TNR: variants seen among roughly 807,000 people sequenced by gnomAD.
TNR encodes the protein tenascin-R.
TNR carries 45 observed loss-of-function variants against 150.4 expected under a neutral mutation model. The observed-to-expected ratio is 0.30, with a 90% CI of 0.24 to 0.38. The LOEUF is 0.38. TNR is among the 10% of genes least tolerant of loss of function. The pLI, the probability that TNR is intolerant of heterozygous loss-of-function variation, is 1.00. For synonymous variants in TNR, 687 were observed against 678.4 expected (o/e 1.01, Z -0.20); for missense variants, 1,544 against 1,759.1 (o/e 0.88, Z 2.19).
At position 175,426,549 on chromosome 1, in the gene TNR, G is replaced by A. The variant is rs76148342; in HGVS notation, c.-63-19772C>T. Among the ~76,000 whole-genome samples the A allele has an allele frequency of 4.6e-5, 7 of 152,106 alleles. No homozygotes were observed. In the East Asian group the frequency reaches 1.2e-3, roughly 25 times the overall value. On this transcript the variant is annotated intron_variant, in intron 2 of 22. Coordinates refer to ENST00000367674, the MANE Select transcript of TNR (RefSeq NM_003285.3). ...GACAAGACTGACCTGATGCATCTCT[G>A]AATCTCCCTAGTCAGATACAAATCA...
At chr1:175,360,672 G>T (rs2102009933) in intron 14 of TNR, among the ~76,000 whole-genome samples, 1 of 152,126 alleles carries the variant, frequency 6.6e-6, no homozygotes, top group South Asian at 2.1e-4. Flanking sequence ...TTTTTCACTT[G>T]CCTATGTCCT....
At chr1:175,456,418 A>T (rs1656576875) in intron 2 of TNR, among the ~76,000 whole-genome samples, 1 of 152,210 alleles carries the variant, frequency 6.6e-6, no homozygotes. Flanking sequence ...GTGTCCCGTC[A>T]CTACAATGCA....
chr1:175,543,815 A>AG (rs1203556823), intron 1 of TNR, among the ~76,000 whole-genome samples: 1 of 152,216 alleles, frequency 6.6e-6, no homozygotes, highest in Non-Finnish European at 1.5e-5. Context: ...AAAGATGCCC[A>AG]GACTATACTC....
chr1:175,712,818 TC>T (rs1667054539), intron 1 of TNR, among the ~76,000 whole-genome samples: 1 of 152,076 alleles, frequency 6.6e-6, no homozygotes, highest in Non-Finnish European at 1.5e-5. Flanking sequence ...GCACCATACT[TC>T]CTGTACAGTC....
chr1:175,697,024 T>C (rs889697367), intron 1 of TNR, among the ~76,000 whole-genome samples: 2 of 149,360 alleles, frequency 1.3e-5, no homozygotes, highest in African/African-American at 4.9e-5. Context: ...GTGTAGTTTG[T>C]GAATAACATT....
intron 2 of TNR, among the ~76,000 whole-genome samples, chr1:175,410,621 T>C (rs915021471): frequency 1.3e-5 from 2 of 152,182 alleles, no homozygotes; most frequent in African/African-American, 4.8e-5. Flanking sequence ...CTTGGTTAAG[T>C]GAGGCCATGG....
chr1:175,407,616 G>A (rs1196478737), intron 2 of TNR, among the ~76,000 whole-genome samples: 2 of 152,194 alleles, frequency 1.3e-5, no homozygotes, highest in South Asian at 2.1e-4. Context: ...CTAAAAGTTA[G>A]AGCTACTAAG....
Position 175,507,823 on chromosome 1 carries a change from G to A in TNR, c.-64+20446C>T, listed in dbSNP as rs934051279. Reference sequence around the variant, plus strand: ...GGCACCAGCATGAGTGACAAGGAGGGGCTGTTTGCTCATTTTGTATCTCCA... The same window carrying A: ...GGCACCAGCATGAGTGACAAGGAGGAGCTGTTTGCTCATTTTGTATCTCCA... On this transcript the variant is annotated intron_variant, in intron 2 of 22. Transcript: ENST00000367674. 2.6e-5 allele frequency among the ~76,000 whole-genome samples: 4 copies of A among 152,184 alleles called. No homozygotes were observed. The East Asian group carries it at 7.7e-4, about 29-fold the overall frequency.
intron 15 of TNR, 41 bp from the exon 16 acceptor site, chr1:175,356,503 C>G: frequency 6.2e-7 from 1 of 1,610,008 alleles, no homozygotes; most frequent in Non-Finnish European, 8.5e-7. Context: ...AATAAGGCTA[C>G]TCAGTTTAGG....
chr1:175,418,619 G>A (rs1335702530), intron 2 of TNR, among the ~76,000 whole-genome samples: 1 of 152,164 alleles, frequency 6.6e-6, no homozygotes, highest in Admixed American at 6.5e-5. Context: ...CTACTCAGGA[G>A]GCTGAGGCAT....
chr1:175,348,864 G>A (rs916746228), intron 18 of TNR, among the ~76,000 whole-genome samples: 14 of 152,176 alleles, frequency 9.2e-5, no homozygotes, highest in Admixed American at 6.5e-5. Context: ...CTTAAGAAAG[G>A]TTTCAAAAGC....
chr1:175,532,024 A>G (rs1269632241), intron 1 of TNR, among the ~76,000 whole-genome samples: 2 of 152,240 alleles, frequency 1.3e-5, no homozygotes, highest in Non-Finnish European at 2.9e-5. Context: ...GGACTTTAGA[A>G]GAAAGACACC....
intron 1 of TNR, among the ~76,000 whole-genome samples, chr1:175,550,046 A>G (rs550010530): frequency 2.0e-5 from 3 of 152,362 alleles, no homozygotes; most frequent in Admixed American, 2.0e-4. Flanking sequence ...ATTTAAGCCC[A>G]TAAAGGGAGG....
chr1:175,470,044 T>A (rs1054058315), intron 2 of TNR, among the ~76,000 whole-genome samples: 6 of 152,210 alleles, frequency 3.9e-5, no homozygotes, highest in African/African-American at 1.4e-4. Context: ...ACTGGCATGG[T>A]TGGTATAATC....
chr1:175,533,310 C>T (rs1660146511), intron 1 of TNR, among the ~76,000 whole-genome samples: 1 of 152,150 alleles, frequency 6.6e-6, no homozygotes, highest in Non-Finnish European at 1.5e-5. Flanking sequence ...ATGTAAAAGT[C>T]GCAGCTCAGT....
At chr1:175,665,889 G>A (rs1665520084) in intron 1 of TNR, among the ~76,000 whole-genome samples, 1 of 152,004 alleles carries the variant, frequency 6.6e-6, no homozygotes, top group Non-Finnish European at 1.5e-5. Flanking sequence ...GTCTGAGTCT[G>A]CTTAAAAGAG....
intron 2 of TNR, among the ~76,000 whole-genome samples, chr1:175,419,778 G>A (rs2102061064): frequency 6.6e-6 from 1 of 152,252 alleles, no homozygotes; most frequent in African/African-American, 2.4e-5. Flanking sequence ...CACCGCACCT[G>A]GCCCCAGTCC....
rs980659552 is a variant in TNR, at chr1:175,634,201, C to T, written c.-164-105832G>A. ...GAGGAAGATGGGGAGGAGGGCAGAG[C>T]TGTGTGCCCCCATGTTTCAGTTCCC... On this transcript the variant is annotated intron_variant, in intron 1 of 22. Coordinates refer to ENST00000367674, the MANE Select transcript of TNR (RefSeq NM_003285.3). 2.6e-5 allele frequency among the ~76,000 whole-genome samples: 4 copies of T among 152,290 alleles called. No homozygotes were observed. In the South Asian group the frequency reaches 6.2e-4, roughly 24 times the overall value.
At chr1:175,461,710 T>C (rs1656826183) in intron 2 of TNR, among the ~76,000 whole-genome samples, 1 of 152,250 alleles carries the variant, frequency 6.6e-6, no homozygotes, top group African/African-American at 2.4e-5. Context: ...TTTCCAGTTT[T>C]CTTTTCAATG....
Sources: gnomAD v4.1 joint callset for allele counts (sites outside exome capture counted in the v4.1 genomes callset) on GRCh38, gnomAD v4.1.1 for gene constraint, MANE v1.5 for transcripts, NCBI Gene and HGNC (gene_info 2026-07-23, HGNC 2026-07-21) for gene names.